SYNCRIP: variants seen among roughly 807,000 people sequenced by gnomAD.
SYNCRIP encodes synaptotagmin binding cytoplasmic RNA interacting protein, also known as heterogeneous nuclear ribonucleoprotein Q.
Under a neutral mutation model 68.9 loss-of-function variants are expected in SYNCRIP, and 9 were observed. That is an observed-to-expected ratio of 0.13 (90% confidence interval 0.08 to 0.23). SYNCRIP has a LOEUF of 0.23. Among genes scored for constraint, SYNCRIP ranks in the 10% least tolerant of loss-of-function variants. The pLI, the probability that SYNCRIP is intolerant of heterozygous loss-of-function variation, is 1.00. For synonymous variants in SYNCRIP, 258 were observed against 254.0 expected (o/e 1.02, Z -0.15); for missense variants, 414 against 770.6 (o/e 0.54, Z 5.48).
rs763658638 is a variant in SYNCRIP, at chr6:85,614,985, C to T, written c.1643G>A (p.Arg548His). The T allele has an allele frequency of 1.1e-5, 18 of 1,613,260 alleles. No individual in the cohort carries two copies. Among genetic ancestry groups the T allele is most frequent in the African/African-American group, 1.3e-5 (1 of 74,870 alleles). The change falls in exon 11 of 11, where the codon CGC (arginine) becomes CAC (histidine). Residue 548 changes from arginine (R) to histidine (H), a missense_variant. Arg to His is a conservative substitution (Grantham distance 29). Transcript: ENST00000369622. ...ARGGAQQQRG[R>H]GVRGARGGRG... ...GCCACCCCTCGCACCACGTACCCCG[C>T]GGCCTCTTTGTTGTTGGGCACCTCC...
At chr6:85,633,261 C>T (rs199518334) in intron 6 of SYNCRIP, among the ~76,000 whole-genome samples, 72 of 130,550 alleles carry the variant, frequency 5.5e-4, no homozygotes, top group Middle Eastern at 5.0e-3. Flanking sequence ...ATCTCAAAAA[C>T]AAATAAATAA....
rs112831091 is a variant in SYNCRIP at position 85,630,678 on chromosome 6, T to C, written c.666+6289A>G. Among the ~76,000 whole-genome samples, 270 of 152,226 alleles carry C rather than the reference T, an allele frequency of 1.8e-3. 4 individuals carry two copies. The highest frequency in any genetic ancestry group is 6.1e-3 in the African/African-American group (254 of 41,492). On this transcript the variant is annotated intron_variant, in intron 6 of 10. Coordinates refer to ENST00000369622, the MANE Select transcript of SYNCRIP (RefSeq NM_006372.5). ...CAGGGCAGTAAGTAGCACAGAATTG[T>C]AAATGGAGGCTATTAAAACAGCAAA... is the stretch of plus-strand genomic sequence containing the variant.
intron 6 of SYNCRIP, among the ~76,000 whole-genome samples, chr6:85,632,238 C>T (rs966620420): frequency 6.6e-6 from 1 of 152,152 alleles, no homozygotes; most frequent in South Asian, 2.1e-4. Context: ...ACTATTTCAA[C>T]CTAAGGTATT....
intron 6 of SYNCRIP, among the ~76,000 whole-genome samples, chr6:85,635,707 T>C (rs1023908894): frequency 6.9e-6 from 1 of 144,798 alleles, no homozygotes; most frequent in East Asian, 2.0e-4. Flanking sequence ...GAGGCGGAGG[T>C]TGCAGTGAGC....
At chr6:85,612,523 C>A, downstream of SYNCRIP, 1 of 169,008 alleles carries the variant, frequency 5.9e-6, no homozygotes, top group Non-Finnish European at 1.3e-5. Context: ...TTCAAAATAC[C>A]ACTGTTGGGA....
chr6:85,641,258 T>C (rs770958490), intron 2 of SYNCRIP, 34 bp downstream of exon 2: 1 of 1,576,302 alleles, frequency 6.3e-7, no homozygotes, highest in Non-Finnish European at 8.6e-7. Flanking sequence ...ATAGAAAAAT[T>C]TCATAATGTA....
intron 3 of SYNCRIP, 43 bp from the exon 4 acceptor site, chr6:85,640,371 TGA>T: frequency 6.3e-7 from 1 of 1,592,704 alleles, no homozygotes; most frequent in Non-Finnish European, 8.6e-7. Context: ...TAACCATATC[TGA>T]GTCTAATAAA....
At chr6:85,640,114 T>G in intron 4 of SYNCRIP, 107 bp downstream of exon 4, 1 of 752,778 alleles carries the variant, frequency 1.3e-6, no homozygotes, top group Non-Finnish European at 2.2e-6. Flanking sequence ...GATTGATGAA[T>G]TATCTCAACA....
intron 8 of SYNCRIP, 22 bp from the exon 9 acceptor site, chr6:85,619,439 C>T (rs199804430): frequency 2.6e-4 from 418 of 1,601,006 alleles, no homozygotes; most frequent in Non-Finnish European, 3.2e-4. Flanking sequence ...AAAATACCCC[C>T]CTGTATTATT....
intron 8 of SYNCRIP, 36 bp downstream of exon 8, chr6:85,622,446 T>A: frequency 6.5e-7 from 1 of 1,542,202 alleles, no homozygotes; most frequent in Non-Finnish European, 9.0e-7. Flanking sequence ...CTCCCATTAA[T>A]CCCTCAAAAA....
chr6:85,636,042 T>C (rs1318946084), intron 6 of SYNCRIP, among the ~76,000 whole-genome samples: 1 of 152,048 alleles, frequency 6.6e-6, no homozygotes, highest in Non-Finnish European at 1.5e-5. Flanking sequence ...ATTCTATGGG[T>C]TTAAATTAGC....
At chr6:85,636,021 T>A (rs1472138487) in intron 6 of SYNCRIP, among the ~76,000 whole-genome samples, 3 of 152,198 alleles carry the variant, frequency 2.0e-5, no homozygotes, top group South Asian at 4.1e-4. Flanking sequence ...CCCAGTCGTG[T>A]TGCTTGATAC....
chr6:85,643,531 C>T (rs1487188012), upstream of SYNCRIP, among the ~76,000 whole-genome samples: 7 of 152,050 alleles, frequency 4.6e-5, no homozygotes, highest in African/African-American at 1.7e-4. Context: ...TCCCTCTCCC[C>T]TCCAGGCGGG....
chr6:85,641,461 C>T lies in SYNCRIP; in HGVS notation c.-12-10G>A, dbSNP rs1430184279. On this transcript the variant is annotated splice_polypyrimidine_tract_variant and intron_variant, in intron 1 of 10. Coordinates refer to ENST00000369622, the MANE Select transcript of SYNCRIP (RefSeq NM_006372.5). The stretch of plus-strand genomic sequence containing the variant: ...CCATGTTTCCAGAGATCTGTTCAAA[C>T]GCAATAAGCAAAATTAAACTAGGAT... The T allele has an allele frequency of 2.5e-6, 4 of 1,598,268 alleles. No individual in the cohort carries two copies. The highest frequency in any genetic ancestry group is 3.4e-6 in the Non-Finnish European group (4 of 1,173,528).
chr6:85,639,013 T>G (rs533009975), intron 4 of SYNCRIP, among the ~76,000 whole-genome samples: 1 of 152,194 alleles, frequency 6.6e-6, no homozygotes, highest in African/African-American at 2.4e-5. Flanking sequence ...ATTGAGACCA[T>G]CCCGGTCAAC....
intron 8 of SYNCRIP, among the ~76,000 whole-genome samples, chr6:85,622,241 G>C (rs1806499345): frequency 6.6e-6 from 1 of 151,956 alleles, no homozygotes; most frequent in South Asian, 2.1e-4. Flanking sequence ...CAGGTGTGGT[G>C]GTGGGAGCCT....
rs182861328 is a variant in SYNCRIP at position 85,614,463 on chromosome 6, G to A, written c.*293C>T. 8.2e-6 allele frequency: 9 copies of A among 1,095,816 alleles called. No individual in the cohort carries two copies. In the South Asian group the frequency reaches 1.1e-4, roughly 14 times the overall value. 67.9% of individuals were successfully genotyped at this position (1,095,816 alleles called of 1,614,324 possible). A position where few individuals can be genotyped will look rare whatever the true frequency, so the allele number is the denominator to read the frequency against. On this transcript the variant is annotated 3_prime_UTR_variant, in exon 11 of 11. Transcript: ENST00000369622. ...AAATCTAAACACTACTGGAAACATC[G>A]TTGACACTACAGCCAAATGGACTTG...
At chr6:85,621,463 A>C (rs1806389688) in intron 8 of SYNCRIP, among the ~76,000 whole-genome samples, 1 of 152,150 alleles carries the variant, frequency 6.6e-6, no homozygotes, top group Non-Finnish European at 1.5e-5. Context: ...TTTTAAAAAA[A>C]TTAGCCAGGT....
rs939650707 is a variant in SYNCRIP at position 85,640,586 on chromosome 6, A to T, written c.149-22T>A. 6.2e-6 allele frequency: 9 copies of T among 1,457,550 alleles called. No homozygotes were observed. The African/African-American group carries it at 1.3e-4, about 21-fold the overall frequency. The allele number at this position is 1,457,550 out of a possible 1,614,324, so 90.3% of individuals were successfully genotyped here. ...AGCCCTGAAAAAAATAAAAGTTATC[A>T]GCTTTTAATATTTTTAGAAAAGATT... is the stretch of plus-strand genomic sequence containing the variant. On this transcript the variant is annotated intron_variant, in intron 2 of 10. Transcript: ENST00000369622.
Sources: gnomAD v4.1 joint callset for allele counts (sites outside exome capture counted in the v4.1 genomes callset) on GRCh38, gnomAD v4.1.1 for gene constraint, MANE v1.5 for transcripts, NCBI Gene and HGNC (gene_info 2026-07-23, HGNC 2026-07-21) for gene names.